Variants in ARHGAP15 observed in about 807,000 individuals in gnomAD.
ARHGAP15 encodes the protein Rho GTPase activating protein 15, also known as rho GTPase-activating protein 15.
ARHGAP15 carries 51 observed loss-of-function variants against 63.7 expected under a neutral mutation model. The ratio of observed to expected loss-of-function variants is 0.80; its 90% CI spans 0.64 to 1.01. ARHGAP15 has a LOEUF of 1.01. ARHGAP15 is among the 50% of genes least tolerant of loss of function. The pLI, the probability that ARHGAP15 is intolerant of heterozygous loss-of-function variation, is 0.00. For synonymous variants in ARHGAP15, 191 were observed against 193.8 expected (o/e 0.99, Z 0.12); for missense variants, 560 against 564.6 (o/e 0.99, Z 0.08).
chr2:143,441,864 C>T (rs141012928), intron 8 of ARHGAP15, among the ~76,000 whole-genome samples: 253 of 152,274 alleles, frequency 1.7e-3, no homozygotes, highest in African/African-American at 6.0e-3. Context: ...ATCCTAAATG[C>T]ATATGTGGAT....
intron 13 of ARHGAP15, among the ~76,000 whole-genome samples, chr2:143,734,843 T>C (rs1685683984): frequency 6.6e-6 from 1 of 152,184 alleles, no homozygotes; most frequent in Non-Finnish European, 1.5e-5. Context: ...AGGAAGAAAA[T>C]ACTCCTTGAA....
At chr2:143,662,114 G>C (rs1681837976) in intron 12 of ARHGAP15, among the ~76,000 whole-genome samples, 1 of 152,254 alleles carries the variant, frequency 6.6e-6, no homozygotes, top group Non-Finnish European at 1.5e-5. Flanking sequence ...ACCTCTGGGG[G>C]CAGGGCACAG....
chr2:143,367,468 CT>C (rs145451636), intron 6 of ARHGAP15, among the ~76,000 whole-genome samples: 7,132 of 152,058 alleles, frequency 0.047, 466 homozygotes, highest in Admixed American at 0.2. Flanking sequence ...GCATATTGCT[CT>C]TCCTTATTCC....
chr2:143,605,435 G>A lies in ARHGAP15; in HGVS notation c.1004-18698G>A, dbSNP rs554380979. Reference sequence around the variant, plus strand: ...TTAGCACCTTAAACTATATATCCAGGTAAAGAATTAGTCCTGTGTCAGAAA... The same window carrying A: ...TTAGCACCTTAAACTATATATCCAGATAAAGAATTAGTCCTGTGTCAGAAA... On this transcript the variant is annotated intron_variant, in intron 11 of 13. Coordinates refer to ENST00000295095, the MANE Select transcript of ARHGAP15 (RefSeq NM_018460.4). Among the ~76,000 whole-genome samples, 3 of 152,112 alleles carry A rather than the reference G, an allele frequency of 2.0e-5. No homozygotes were observed. In the East Asian group the frequency reaches 5.8e-4, roughly 29 times the overall value.
intron 6 of ARHGAP15, among the ~76,000 whole-genome samples, chr2:143,252,103 C>T (rs773189097): frequency 1.3e-5 from 2 of 152,028 alleles, no homozygotes; most frequent in Non-Finnish European, 2.9e-5. Flanking sequence ...AGACATTATT[C>T]TTGGACAATA....
At chr2:143,467,019 CTT>C (rs1465253756) in intron 8 of ARHGAP15, among the ~76,000 whole-genome samples, 1 of 152,058 alleles carries the variant, frequency 6.6e-6, no homozygotes. Context: ...GGAAAAACGT[CTT>C]TAATTTCTCG....
At chr2:143,543,700 C>T (rs1245384709) in intron 10 of ARHGAP15, among the ~76,000 whole-genome samples, 3 of 151,672 alleles carry the variant, frequency 2.0e-5, no homozygotes, top group Admixed American at 6.6e-5. Flanking sequence ...CAGATATTTC[C>T]ACAAGTCTTT....
chr2:143,368,594 G>A (rs541249522), intron 6 of ARHGAP15, among the ~76,000 whole-genome samples: 2 of 152,168 alleles, frequency 1.3e-5, no homozygotes, highest in Non-Finnish European at 2.9e-5. Flanking sequence ...CAGCCACTTA[G>A]AGTGGTAAAA....
At chr2:143,637,302 AT>A (rs1026308505) in intron 12 of ARHGAP15, among the ~76,000 whole-genome samples, 24 of 152,002 alleles carry the variant, frequency 1.6e-4, no homozygotes, top group African/African-American at 5.6e-4. Flanking sequence ...AAAATATTTG[AT>A]TTTTTCCTTA....
chr2:143,415,419 C>T (rs2105034536), intron 6 of ARHGAP15, among the ~76,000 whole-genome samples: 1 of 151,888 alleles, frequency 6.6e-6, no homozygotes, highest in Non-Finnish European at 1.5e-5. Flanking sequence ...AAATATAAGA[C>T]AGCACCTCGA....
intron 12 of ARHGAP15, among the ~76,000 whole-genome samples, chr2:143,682,268 TTAAAC>T (rs903271846): frequency 1.3e-5 from 2 of 151,522 alleles, no homozygotes; most frequent in African/African-American, 4.8e-5. Flanking sequence ...TCTATGAAAA[TTAAAC>T]TAACGCTGTA....
chr2:143,460,040 A>G (rs1407442214), intron 8 of ARHGAP15, among the ~76,000 whole-genome samples: 1 of 152,144 alleles, frequency 6.6e-6, no homozygotes, highest in Non-Finnish European at 1.5e-5. Context: ...GAATGAGTAT[A>G]GGATGTAAAA....
At chr2:143,672,520 T>C (rs1682578456) in intron 12 of ARHGAP15, among the ~76,000 whole-genome samples, 1 of 152,224 alleles carries the variant, frequency 6.6e-6, no homozygotes, top group Non-Finnish European at 1.5e-5. Flanking sequence ...ATATCTGTGA[T>C]AAATTTTGAT....
intron 2 of ARHGAP15, among the ~76,000 whole-genome samples, chr2:143,164,335 A>T (rs1049702447): frequency 6.6e-6 from 1 of 151,906 alleles, no homozygotes; most frequent in East Asian, 1.9e-4. Flanking sequence ...AGGCAAATAC[A>T]TTTTTTTTAC....
At chr2:143,511,211 T>C (rs544075212) in intron 9 of ARHGAP15, among the ~76,000 whole-genome samples, 2 of 152,368 alleles carry the variant, frequency 1.3e-5, no homozygotes, top group African/African-American at 4.8e-5. Context: ...TAATTCATTA[T>C]GTAAACAACA....
chr2:143,533,045 A>T (rs1694587595), intron 10 of ARHGAP15, among the ~76,000 whole-genome samples: 1 of 152,188 alleles, frequency 6.6e-6, no homozygotes, highest in Non-Finnish European at 1.5e-5. Flanking sequence ...CACTTTCTTG[A>T]AGTTTCTTCT....
intron 3 of ARHGAP15, among the ~76,000 whole-genome samples, chr2:143,203,777 CT>C (rs932222329): frequency 3.3e-5 from 5 of 151,872 alleles, no homozygotes; most frequent in African/African-American, 1.2e-4. Context: ...TTTTTTCTGT[CT>C]GTAGGAATTT....
chr2:143,517,354 C>T (rs56151632), intron 9 of ARHGAP15, among the ~76,000 whole-genome samples: 41,684 of 152,080 alleles, frequency 0.27, 6,017 homozygotes, highest in African/African-American at 0.37. Context: ...AATTATGATT[C>T]ATTGAATTCT....
intron 4 of ARHGAP15, among the ~76,000 whole-genome samples, chr2:143,220,846 C>CT (rs146874665): frequency 0.024 from 3,630 of 152,254 alleles, 155 homozygotes; most frequent in African/African-American, 0.083. Flanking sequence ...GATGCTTACT[C>CT]TGTCAAGCAC....
Sources: allele counts gnomAD v4.1 joint callset (sites outside exome capture counted in the v4.1 genomes callset), GRCh38; gene constraint gnomAD v4.1.1; transcripts MANE v1.5; gene names NCBI Gene and HGNC (gene_info 2026-07-23, HGNC 2026-07-21).